The following RHOJ variants were observed in gnomAD, a reference collection of about 807,000 sequenced individuals.
The protein encoded by RHOJ is ras homolog family member J.
In RHOJ, 11 loss-of-function variants were observed where a neutral mutation model predicts 23.4. That is an observed-to-expected ratio of 0.47 (90% CI 0.30 to 0.78). RHOJ has a LOEUF of 0.78. Ranked by LOEUF, RHOJ falls within the 30% of genes least tolerant of loss-of-function variation. The probability of loss-of-function intolerance (pLI) is 0.08; values close to 1 mark genes in which losing one functional copy is unlikely to be tolerated. For missense variants in RHOJ, 254 were observed against 273.4 expected, an observed-to-expected ratio of 0.93 and a Z score of 0.50; for synonymous variants, 102 against 102.7, an observed-to-expected ratio of 0.99 and a Z score of 0.04.
At position 63,291,003 on chromosome 14, in the gene RHOJ, C is replaced by T; in HGVS notation, c.624C>T (p.His208=). ...KKKKKRCSEG[H]SCCSII ...AGAAGAAACGCTGTTCTGAGGGTCA[C>T]AGCTGCTGTTCAATTATCTGAGGTT... is the stretch of plus-strand genomic sequence containing the variant. Residue 208 remains histidine, a synonymous_variant, in exon 5 of 5, where the codon CAC becomes CAT. Coordinates refer to ENST00000316754, the MANE Select transcript of RHOJ (RefSeq NM_020663.5). The T allele has an allele frequency of 3.7e-6, 6 of 1,614,166 alleles. No homozygotes were observed. Among genetic ancestry groups the T allele is most frequent in the Non-Finnish European group, 5.1e-6 (6 of 1,180,030 alleles).
At chr14:63,235,109 C>T (rs1894765367) in intron 1 of RHOJ, among the ~76,000 whole-genome samples, 1 of 151,702 alleles carries the variant, frequency 6.6e-6, no homozygotes, top group Non-Finnish European at 1.5e-5. Flanking sequence ...ACTAAGTTCT[C>T]GGGGTTCTTC....
At chr14:63,280,788 A>C (rs1299145998) in intron 2 of RHOJ, among the ~76,000 whole-genome samples, 183 bp from the exon 3 acceptor site, 1 of 152,186 alleles carries the variant, frequency 6.6e-6, no homozygotes, top group Non-Finnish European at 1.5e-5. Context: ...ACGTAACAAA[A>C]AGGTATTTTT....
chr14:63,259,969 G>A (rs998647488), intron 1 of RHOJ, among the ~76,000 whole-genome samples: 15 of 152,120 alleles, frequency 9.9e-5, no homozygotes, highest in Non-Finnish European at 1.9e-4. Flanking sequence ...ATGCACCAAA[G>A]TAGAAAACAG....
chr14:63,227,911 G>A, intron 1 of RHOJ, among the ~76,000 whole-genome samples: 1 of 152,220 alleles, frequency 6.6e-6, no homozygotes, highest in East Asian at 1.9e-4. Flanking sequence ...CTAAAAATGT[G>A]CTCACATGGT....
intron 4 of RHOJ, among the ~76,000 whole-genome samples, chr14:63,289,875 C>T (rs1405987677): frequency 1.3e-5 from 2 of 151,608 alleles, no homozygotes; most frequent in Non-Finnish European, 2.9e-5. Flanking sequence ...TTATGATTAT[C>T]GTTACATGTT....
intron 3 of RHOJ, among the ~76,000 whole-genome samples, chr14:63,282,515 C>T (rs994818464): frequency 6.6e-6 from 1 of 152,106 alleles, no homozygotes. Flanking sequence ...TAAATGCTAT[C>T]TTCAAAGTTC....
intron 1 of RHOJ, 48 bp downstream of exon 1, chr14:63,205,095 G>T: frequency 1.3e-6 from 2 of 1,572,710 alleles, no homozygotes; most frequent in Non-Finnish European, 1.7e-6. Flanking sequence ...CGATGCAGGG[G>T]GCGAGACCCT....
chr14:63,290,743 C>G, intron 4 of RHOJ, 135 bp from the exon 5 acceptor site: 2 of 432,440 alleles, frequency 4.6e-6, no homozygotes, highest in Non-Finnish European at 7.2e-6. Flanking sequence ...AAAAAAAAGA[C>G]AAACATAATC....
Position 63,292,518 on chromosome 14 carries a change from T to A in RHOJ, c.*1494T>A, listed in dbSNP as rs1882283576. On this transcript the variant is annotated 3_prime_UTR_variant, in exon 5 of 5. Transcript: ENST00000316754. ...GAATCACCCAGGTAGGCACTTAATT[T>A]TTTTTTCAGTTGCATGAGCAAAGTG... 1 of 152,222 alleles carries A rather than the reference T, an allele frequency of 6.6e-6. No homozygotes were observed. The allele number at this position is 152,222 out of a possible 1,614,324, so 9.4% of individuals were successfully genotyped here.
chr14:63,289,192 T>C (rs1882174240), intron 4 of RHOJ, among the ~76,000 whole-genome samples: 1 of 152,202 alleles, frequency 6.6e-6, no homozygotes, highest in South Asian at 2.1e-4. Flanking sequence ...AAATAGTTCA[T>C]AAACTGGTAA....
intron 2 of RHOJ, among the ~76,000 whole-genome samples, chr14:63,275,129 G>A (rs1881677184): frequency 6.6e-6 from 1 of 151,978 alleles, no homozygotes. Flanking sequence ...ACTTTAGCCT[G>A]GGCAACATAG....
chr14:63,268,570 A>C (rs1021412958), intron 1 of RHOJ, among the ~76,000 whole-genome samples: 2 of 152,252 alleles, frequency 1.3e-5, no homozygotes, highest in African/African-American at 4.8e-5. Flanking sequence ...AATGAACGCT[A>C]AGCCCTTCTC....
chr14:63,232,532 C>T (rs750302858), intron 1 of RHOJ, among the ~76,000 whole-genome samples: 5 of 152,098 alleles, frequency 3.3e-5, no homozygotes, highest in East Asian at 1.9e-4. Flanking sequence ...AGAAGCTCTT[C>T]ACTGCACAGT....
chr14:63,253,635 T>C (rs1895111544), intron 1 of RHOJ, among the ~76,000 whole-genome samples: 1 of 152,238 alleles, frequency 6.6e-6, no homozygotes, highest in Admixed American at 6.5e-5. Flanking sequence ...TTTCTATTTT[T>C]AGGCAGGTTA....
chr14:63,209,916 G>C (rs149691967), intron 1 of RHOJ, among the ~76,000 whole-genome samples: 3 of 147,504 alleles, frequency 2.0e-5, no homozygotes, highest in African/African-American at 7.5e-5. Context: ...TATCCCCACT[G>C]TAACTGTAAT....
chr14:63,279,382 T>A (rs10140212), intron 2 of RHOJ, among the ~76,000 whole-genome samples: 1 of 152,134 alleles, frequency 6.6e-6, no homozygotes, highest in African/African-American at 2.4e-5. Flanking sequence ...TGTTGCGATA[T>A]GTGATGTATA....
chr14:63,242,985 T>C lies in RHOJ; in HGVS notation c.179-26125T>C, dbSNP rs371573911. 1.8e-4 allele frequency among the ~76,000 whole-genome samples: 28 copies of C among 152,260 alleles called. 1 individual carries two copies. The highest frequency in any genetic ancestry group is 3.4e-3 in the Middle Eastern group (1 of 294). ...ATGTTGTGTCATCCACATCCCCAAA[T>C]ACAAGGAACCCACTGGATTCCAAGG... is the stretch of plus-strand genomic sequence containing the variant. On this transcript the variant is annotated intron_variant, in intron 1 of 4. Coordinates refer to ENST00000316754, the MANE Select transcript of RHOJ (RefSeq NM_020663.5).
At chr14:63,259,127 A>G (rs1468691447) in intron 1 of RHOJ, among the ~76,000 whole-genome samples, 1 of 152,172 alleles carries the variant, frequency 6.6e-6, no homozygotes, top group Non-Finnish European at 1.5e-5. Flanking sequence ...TCTAGTAGAG[A>G]TAGGATTTTG....
At chr14:63,239,679 T>G (rs1184709892) in intron 1 of RHOJ, among the ~76,000 whole-genome samples, 1 of 152,350 alleles carries the variant, frequency 6.6e-6, no homozygotes, top group East Asian at 1.9e-4. Context: ...GACCAGAGCT[T>G]CTTCTCTGCT....
Sources: gnomAD v4.1 joint callset for allele counts (sites outside exome capture counted in the v4.1 genomes callset) on GRCh38, gnomAD v4.1.1 for gene constraint, MANE v1.5 for transcripts, NCBI Gene and HGNC (gene_info 2026-07-23, HGNC 2026-07-21) for gene names.